Variants in XRCC4 observed in about 807,000 individuals in gnomAD.
The protein encoded by XRCC4 is X-ray repair cross complementing 4, also known as DNA repair protein XRCC4.
Under a neutral mutation model 39.1 loss-of-function variants are expected in XRCC4, and 28 were observed. The observed-to-expected ratio is 0.72, with a 90% CI of 0.53 to 0.98. XRCC4 has a LOEUF of 0.98. Ranked by LOEUF, XRCC4 falls within the 50% of genes least tolerant of loss-of-function variation. The pLI is 0.00. For missense variants in XRCC4, 350 were observed against 376.4 expected (o/e 0.93, Z 0.58); for synonymous variants, 123 against 126.4 (o/e 0.97, Z 0.18).
At chr5:83,372,706 C>A in the XRCC4 span, among the ~76,000 whole-genome samples, 9 of 152,182 alleles carry the variant, frequency 5.9e-5, no homozygotes, top group African/African-American at 2.2e-4. Context: ...TTTTCTCAAT[C>A]TACAGACATT....
intron 7 of XRCC4, among the ~76,000 whole-genome samples, chr5:83,308,961 A>C (rs917426392): frequency 1.2e-4 from 18 of 152,006 alleles, no homozygotes; most frequent in African/African-American, 4.1e-4. Flanking sequence ...CAAGGAACAA[A>C]TCCTTAGAGA....
chr5:83,254,494 A>AT (rs921892428), intron 6 of XRCC4, among the ~76,000 whole-genome samples: 6 of 152,154 alleles, frequency 3.9e-5, no homozygotes, highest in Admixed American at 3.3e-4. Context: ...ATACGAATTG[A>AT]TTTTTTTAAC....
At chr5:83,356,757 A>C, downstream of XRCC4, 1 of 454,778 alleles carries the variant, frequency 2.2e-6, no homozygotes, top group Non-Finnish European at 4.4e-6. Flanking sequence ...GAATGCTGAA[A>C]TGGAAGGCAC....
At chr5:83,108,984 A>G (rs1411559407) in intron 2 of XRCC4, among the ~76,000 whole-genome samples, 2 of 151,648 alleles carry the variant, frequency 1.3e-5, no homozygotes, top group African/African-American at 4.8e-5. Context: ...TAATATATGA[A>G]TATAAGCTAT....
chr5:83,111,294 C>T (rs1020430636), intron 3 of XRCC4, 91 bp downstream of exon 3: 1 of 1,026,356 alleles, frequency 9.7e-7, no homozygotes, highest in Non-Finnish European at 1.3e-6. Flanking sequence ...CTATATTATT[C>T]CCAGAACACC....
the XRCC4 span, among the ~76,000 whole-genome samples, chr5:83,372,203 G>C: frequency 6.6e-6 from 1 of 152,132 alleles, no homozygotes; most frequent in Non-Finnish European, 1.5e-5. Flanking sequence ...ATTAAATACA[G>C]TTGAACACCT....
At chr5:83,326,503 T>A (rs1279278005) in intron 7 of XRCC4, among the ~76,000 whole-genome samples, 1 of 152,084 alleles carries the variant, frequency 6.6e-6, no homozygotes, top group Non-Finnish European at 1.5e-5. Flanking sequence ...TTAAAATCCT[T>A]CTAACCAAGC....
chr5:83,303,778 G>A (rs2112056502), intron 7 of XRCC4, among the ~76,000 whole-genome samples: 2 of 152,226 alleles, frequency 1.3e-5, no homozygotes, highest in South Asian at 4.1e-4. Flanking sequence ...GAGGAAGAAA[G>A]ATCTAAGATA....
At chr5:83,288,900 T>A (rs1754823327) in intron 7 of XRCC4, among the ~76,000 whole-genome samples, 1 of 151,916 alleles carries the variant, frequency 6.6e-6, no homozygotes, top group Non-Finnish European at 1.5e-5. Flanking sequence ...CTTCTTCTGG[T>A]ATTCTAATTA....
At chr5:83,131,682 C>T (rs1375288195) in intron 3 of XRCC4, among the ~76,000 whole-genome samples, 2 of 152,002 alleles carry the variant, frequency 1.3e-5, no homozygotes, top group Non-Finnish European at 2.9e-5. Context: ...TCTGTTTTAT[C>T]AGAGACTAGG....
chr5:83,249,291 A>G (rs1006144493), intron 6 of XRCC4, among the ~76,000 whole-genome samples: 11 of 152,174 alleles, frequency 7.2e-5, no homozygotes, highest in African/African-American at 2.4e-4. Context: ...TTTGGTATAG[A>G]TTTTTTCTTA....
chr5:83,269,915 G>A (rs1754079537), intron 7 of XRCC4, among the ~76,000 whole-genome samples: 1 of 152,060 alleles, frequency 6.6e-6, no homozygotes, highest in South Asian at 2.1e-4. Context: ...CATTTATTGT[G>A]CACTTTATTT....
chr5:83,147,362 C>G (rs1748504067), intron 3 of XRCC4, among the ~76,000 whole-genome samples: 1 of 152,178 alleles, frequency 6.6e-6, no homozygotes, highest in African/African-American at 2.4e-5. Context: ...AAATAGTATA[C>G]TATTCAGCCT....
intron 3 of XRCC4, among the ~76,000 whole-genome samples, chr5:83,136,157 C>T (rs1471820456): frequency 1.3e-5 from 2 of 152,118 alleles, no homozygotes; most frequent in East Asian, 1.9e-4. Context: ...TTTACCTGAT[C>T]CCTATTGTTT....
intron 6 of XRCC4, among the ~76,000 whole-genome samples, chr5:83,249,104 G>A (rs1753216123): frequency 6.6e-6 from 1 of 152,066 alleles, no homozygotes; most frequent in Non-Finnish European, 1.5e-5. Flanking sequence ...TATACCAGAA[G>A]TAACCATGTA....
chr5:83,129,592 T>G (rs1352001048), intron 3 of XRCC4, among the ~76,000 whole-genome samples: 1 of 152,102 alleles, frequency 6.6e-6, no homozygotes, highest in Non-Finnish European at 1.5e-5. Context: ...ACAATATTGA[T>G]TCTTCCTATC....
chr5:83,190,823 A>G (rs960768679), intron 3 of XRCC4, among the ~76,000 whole-genome samples: 17 of 152,164 alleles, frequency 1.1e-4, no homozygotes, highest in African/African-American at 4.1e-4. Flanking sequence ...CTGTTTAATT[A>G]TTTTCAAATC....
rs28360088 is a variant in XRCC4, at chr5:83,157,201, C to G, written c.316-38569C>G. Among the ~76,000 whole-genome samples, 373 of 152,138 alleles carry G rather than the reference C, an allele frequency of 2.5e-3. 8 individuals carry two copies. In the East Asian group the frequency reaches 0.047, roughly 19 times the overall value. On this transcript the variant is annotated intron_variant, in intron 3 of 7. Transcript: ENST00000396027. ...ACTCCCAAGTAAAGAGTAAGCTGATCCAGAGGAAAGACCATCAGATATTGA... is the reference window on the plus strand; with the variant it reads ...ACTCCCAAGTAAAGAGTAAGCTGATGCAGAGGAAAGACCATCAGATATTGA...
At chr5:83,125,986 C>CA (rs35711158) in intron 3 of XRCC4, among the ~76,000 whole-genome samples, 222 of 108,436 alleles carry the variant, frequency 2.0e-3, no homozygotes, top group Non-Finnish European at 3.3e-3. Context: ...TCCATCTCAT[C>CA]AAAAAAAAAA....
Sources: allele counts gnomAD v4.1 joint callset (sites outside exome capture counted in the v4.1 genomes callset), GRCh38; gene constraint gnomAD v4.1.1; transcripts MANE v1.5; gene names NCBI Gene and HGNC (gene_info 2026-07-23, HGNC 2026-07-21).